The following MTOR variants were observed in gnomAD, a reference collection of about 807,000 sequenced individuals.
MTOR encodes mechanistic target of rapamycin kinase.
Under a neutral mutation model 319.8 loss-of-function variants are expected in MTOR, and 70 were observed. The ratio of observed to expected loss-of-function variants is 0.22; its 90% CI spans 0.18 to 0.27. MTOR has a LOEUF of 0.27. Ranked by LOEUF, MTOR falls within the 10% of genes least tolerant of loss-of-function variation. The pLI, the probability that MTOR is intolerant of heterozygous loss-of-function variation, is 1.00. For synonymous variants in MTOR, 1,183 were observed against 1,211.4 expected (o/e 0.98, Z 0.49); for missense variants, 1,890 against 3,274.4 (o/e 0.58, Z 10.32).
intron 28 of MTOR, 21 bp from the exon 29 acceptor site, chr1:11,167,538 G>A (rs1330368550): frequency 1.2e-6 from 2 of 1,603,110 alleles, no homozygotes; most frequent in South Asian, 1.1e-5. Flanking sequence ...AAAGGGAAAA[G>A]GTAGTTACAC....
In MTOR at chr1:11,106,991, G is replaced by T. The variant is rs1414684522; in HGVS notation, c.*494C>A. ...TCTGCTGCTGTCCACAGACCAGTGA[G>T]GTCTTGGGATAGGTGGCAGGGGTGA... On this transcript the variant is annotated 3_prime_UTR_variant, in exon 58 of 58. Coordinates refer to ENST00000361445, the MANE Select transcript of MTOR (RefSeq NM_004958.4). The T allele has an allele frequency of 1.5e-6, 2 of 1,370,778 alleles. No homozygotes were observed. Among genetic ancestry groups the T allele is most frequent in the South Asian group, 2.4e-5 (2 of 81,730 alleles). 84.9% of individuals were successfully genotyped at this position (1,370,778 alleles called of 1,614,324 possible).
chr1:11,145,001 C>T lies in MTOR; in HGVS notation c.4731G>A (p.Ala1577=), dbSNP rs1057079. 0.7 allele frequency: 1,135,304 copies of T among 1,613,390 alleles called. 413,347 individuals carry two copies. Among genetic ancestry groups the T allele is most frequent in the East Asian group, 0.83 (37,306 of 44,870 alleles). The change falls in exon 33 of 58, where the codon GCG becomes GCA. Residue 1577 remains alanine, a synonymous_variant. Transcript: ENST00000361445. ...CCCGACTGTAACTCTCTCCTGCCAT[C>T]GCAGTTAATTCAGCATCCAGCAGGT... ...ARDLLDAELT[A]MAGESYSRAY...
chr1:11,166,808 C>T (rs186463286), intron 29 of MTOR, among the ~76,000 whole-genome samples: 189 of 152,212 alleles, frequency 1.2e-3, no homozygotes, highest in Non-Finnish European at 2.2e-3. Flanking sequence ...AGGTTTATTG[C>T]GGCACTATTC....
intron 9 of MTOR, 51 bp from the exon 10 acceptor site, chr1:11,241,732 G>A (rs1297749689): frequency 1.3e-6 from 2 of 1,576,578 alleles, no homozygotes; most frequent in Non-Finnish European, 1.7e-6. Context: ...ATTCTTTAAT[G>A]TCCCACCTCA....
chr1:11,234,123 A>G lies in MTOR; in HGVS notation c.2331+20T>C, dbSNP rs1486821992. 6 of 1,614,084 alleles carry G rather than the reference A, an allele frequency of 3.7e-6. No homozygotes were observed. Among genetic ancestry groups the G allele is most frequent in the East Asian group, 2.2e-5 (1 of 44,880 alleles). ...GATGACAACGCACAGAGAAAGCACC[A>G]GCCTCTCGGTTTGTGTTACCTTCAG... On this transcript the variant is annotated intron_variant, in intron 14 of 57. Coordinates refer to ENST00000361445, the MANE Select transcript of MTOR (RefSeq NM_004958.4).
chr1:11,151,507 A>T lies in MTOR; in HGVS notation c.4470-1281T>A, dbSNP rs149574453. Among the ~76,000 whole-genome samples the T allele has an allele frequency of 3.5e-3, 529 of 151,710 alleles. 5 individuals are homozygous for T. The highest frequency in any genetic ancestry group is 0.012 in the African/African-American group (513 of 41,362). On this transcript the variant is annotated intron_variant, in intron 30 of 57. Coordinates refer to ENST00000361445, the MANE Select transcript of MTOR (RefSeq NM_004958.4). ...TTAGAGCAGTAGTTCTCAAACTACT[A>T]AGTGCATCAGAATCCCCTGGAAGGC...
intron 34 of MTOR, among the ~76,000 whole-genome samples, chr1:11,140,415 T>G (rs1184453540): frequency 1.3e-5 from 2 of 152,188 alleles, no homozygotes; most frequent in Non-Finnish European, 2.9e-5. Flanking sequence ...ATACGGTTCA[T>G]GCTCCTGTGA....
chr1:11,220,595 A>G (rs1427320106), intron 19 of MTOR, among the ~76,000 whole-genome samples: 1 of 152,198 alleles, frequency 6.6e-6, no homozygotes, highest in Non-Finnish European at 1.5e-5. Context: ...ACACGACATA[A>G]AACGACAATA....
chr1:11,120,632 G>A (rs1290525299), intron 49 of MTOR, among the ~76,000 whole-genome samples: 1 of 151,912 alleles, frequency 6.6e-6, no homozygotes. Flanking sequence ...GATTACAAGT[G>A]TGAGCCACTG....
rs888993593 is a variant in MTOR at position 11,115,709 on chromosome 1, C to A, written c.7017-241G>T. 7 of 476,022 alleles carry A rather than the reference C, an allele frequency of 1.5e-5. No individual in the cohort carries two copies. The highest frequency in any genetic ancestry group is 3.4e-5 in the Admixed American group (1 of 29,798). The allele number at this position is 476,022 out of a possible 1,614,324, so 29.5% of individuals were successfully genotyped here. ...CAGAGCTGACTAGTTGTGACAGAGA[C>A]CAAAGGGCCCACAAAGCCTAAAACG... On this transcript the variant is annotated intron_variant, in intron 50 of 57. Transcript: ENST00000361445. This position sits in a 1 kb window ranked among gnomAD's most constrained non-coding sequence, Gnocchi z 4.5.
At chr1:11,154,068 C>CAGAA (rs1644238426) in intron 30 of MTOR, among the ~76,000 whole-genome samples, 1 of 13,054 alleles carries the variant, frequency 7.7e-5, no homozygotes, top group Non-Finnish European at 1.4e-4. Flanking sequence ...GACTCTGTCT[C>CAGAA]AAAAAAAAAA....
Position 11,117,100 on chromosome 1 carries a change from G to A in MTOR, c.6934-14C>T, listed in dbSNP as rs1642203348. 2 of 1,589,970 alleles carry A rather than the reference G, an allele frequency of 1.3e-6. No individual in the cohort carries two copies. Among genetic ancestry groups the A allele is most frequent in the South Asian group, 1.1e-5 (1 of 87,040 alleles). Reference sequence around the variant, plus strand: ...GTCAAACCACACCTAGAACACAGGAGTGCATGTGAACTACGGTTCTGGAAA... The same window carrying A: ...GTCAAACCACACCTAGAACACAGGAATGCATGTGAACTACGGTTCTGGAAA... On this transcript the variant is annotated splice_polypyrimidine_tract_variant and intron_variant, in intron 49 of 57. Coordinates refer to ENST00000361445, the MANE Select transcript of MTOR (RefSeq NM_004958.4).
chr1:11,107,603 G>A, intron 57 of MTOR, 103 bp from the exon 58 acceptor site: 1 of 1,259,366 alleles, frequency 7.9e-7, no homozygotes, highest in Non-Finnish European at 1.1e-6. Context: ...ACAACCCTAG[G>A]GTATTCCCTG....
chr1:11,196,360 A>G (rs1450317479), intron 28 of MTOR, among the ~76,000 whole-genome samples: 2 of 152,202 alleles, frequency 1.3e-5, no homozygotes, highest in Admixed American at 6.5e-5. Context: ...GAAAGCAAAT[A>G]TATTTACTGA....
chr1:11,128,256 G>A lies in MTOR; in HGVS notation c.5911-130C>T, dbSNP rs1332452135. On this transcript the variant is annotated intron_variant, in intron 42 of 57. Transcript: ENST00000361445. This position sits in a 1 kb window ranked among gnomAD's most constrained non-coding sequence, Gnocchi z 5.3. Reference sequence around the variant, plus strand: ...ACATCTGCTTGAGACTACCAGGAAGGGGCTCAGTCTTCGAGGGAACGCTTT... The same window carrying A: ...ACATCTGCTTGAGACTACCAGGAAGAGGCTCAGTCTTCGAGGGAACGCTTT... 1.1e-5 allele frequency: 15 copies of A among 1,396,212 alleles called. No homozygotes were observed. In the Admixed American group the frequency reaches 1.4e-4, roughly 13 times the overall value. The allele number at this position is 1,396,212 out of a possible 1,614,324, so 86.5% of individuals were successfully genotyped here.
Position 11,259,360 on chromosome 1 carries a change from C to T in MTOR, c.50G>A (p.Ser17Asn), listed in dbSNP as rs200587372. Reference protein sequence around the residue: ...AAATTAATTSSNVSVLQQFAS... With the variant: ...AAATTAATTSNNVSVLQQFAS... The stretch of plus-strand genomic sequence containing the variant: ...AAACTGCTGCAGGACGCTCACATTG[C>T]TAGATGTGGTGGCAGCGGTGGTGGC... Residue 17 changes from serine to asparagine, a missense_variant, in exon 2 of 58, where the codon AGC (serine) becomes AAC (asparagine). Physicochemically the swap from Ser to Asn is conservative, Grantham distance 46. Transcript: ENST00000361445. 3 of 1,605,260 alleles carry T rather than the reference C, an allele frequency of 1.9e-6. No individual in the cohort carries two copies. Among genetic ancestry groups the T allele is most frequent in the African/African-American group, 1.3e-5 (1 of 74,352 alleles).
intron 34 of MTOR, 158 bp downstream of exon 34, chr1:11,144,490 C>G (rs893581988): frequency 3.5e-6 from 2 of 576,370 alleles, no homozygotes; most frequent in Non-Finnish European, 6.2e-6. Context: ...AGGTGAGGAG[C>G]CTTTGAGTAT....
chr1:11,148,957 A>G (rs562250154), intron 31 of MTOR, among the ~76,000 whole-genome samples: 1 of 151,654 alleles, frequency 6.6e-6, no homozygotes, highest in Non-Finnish European at 1.5e-5. Flanking sequence ...GTAGAGACGG[A>G]GTGTCACTAT....
intron 19 of MTOR, among the ~76,000 whole-genome samples, chr1:11,218,106 C>T (rs7526649): frequency 0.64 from 96,515 of 151,980 alleles, 33,340 homozygotes; most frequent in East Asian, 0.91. Flanking sequence ...AGTGATTCCC[C>T]ATACAAATAT....
Sources: gnomAD v4.1 joint callset for allele counts (sites outside exome capture counted in the v4.1 genomes callset) on GRCh38, gnomAD v4.1.1 for gene constraint, Gnocchi (gnomAD v3.1) non-coding constraint, MANE v1.5 for transcripts, NCBI Gene and HGNC (gene_info 2026-07-23, HGNC 2026-07-21) for gene names.